Variants in TMEM229B observed in about 807,000 individuals in gnomAD.
The protein encoded by TMEM229B is transmembrane protein 229B, also known as chromosome 14 open reading frame 83.
In TMEM229B, 6 loss-of-function variants were observed where a neutral mutation model predicts 13.7. The observed-to-expected ratio is 0.44, with a 90% CI of 0.24 to 0.86. TMEM229B has a LOEUF of 0.86. TMEM229B is among the 40% of genes least tolerant of loss of function. The pLI, the probability that TMEM229B is intolerant of heterozygous loss-of-function variation, is 0.23. For missense variants in TMEM229B, 170 were observed against 236.0 expected, an observed-to-expected ratio of 0.72 and a Z score of 1.83; for synonymous variants, 107 against 102.1, an observed-to-expected ratio of 1.05 and a Z score of -0.29.
At chr14:67,529,205 C>A (rs182710395) in intron 1 of TMEM229B, among the ~76,000 whole-genome samples, 1 of 152,150 alleles carries the variant, frequency 6.6e-6, no homozygotes, top group Non-Finnish European at 1.5e-5. Flanking sequence ...ACGAGGAACA[C>A]CTTCCCTCCC....
intron 1 of TMEM229B, among the ~76,000 whole-genome samples, chr14:67,531,718 C>T (rs140168167): frequency 0.012 from 1,779 of 149,598 alleles, 48 homozygotes; most frequent in African/African-American, 0.039. Context: ...AGTTTGAGAC[C>T]CCACCTCTAC....
chr14:67,517,957 G>A (rs1298328586), upstream of TMEM229B, among the ~76,000 whole-genome samples: 2 of 152,210 alleles, frequency 1.3e-5, no homozygotes, highest in African/African-American at 4.8e-5. Context: ...GTCTGCTGTA[G>A]AAATGGACTT....
intron 1 of TMEM229B, among the ~76,000 whole-genome samples, chr14:67,496,928 G>A (rs1209574466): frequency 6.6e-6 from 1 of 152,002 alleles, no homozygotes; most frequent in African/African-American, 2.4e-5. Context: ...GTCCTGAGTA[G>A]CTAGGATTAC....
chr14:67,506,856 C>T (rs890112783), intron 1 of TMEM229B, among the ~76,000 whole-genome samples: 1 of 152,278 alleles, frequency 6.6e-6, no homozygotes, highest in Admixed American at 6.5e-5. Context: ...TGGTGGCATG[C>T]ACCTGTAGTC....
intron 1 of TMEM229B, among the ~76,000 whole-genome samples, chr14:67,508,953 GAATT>G (rs2032935067): frequency 6.6e-6 from 1 of 151,944 alleles, no homozygotes; most frequent in African/African-American, 2.4e-5. Flanking sequence ...CTCCACAGCT[GAATT>G]ATAATGATGG....
At chr14:67,488,252 A>C (rs552086119) in intron 1 of TMEM229B, among the ~76,000 whole-genome samples, 66 of 152,342 alleles carry the variant, frequency 4.3e-4, no homozygotes, top group African/African-American at 1.5e-3. Context: ...AGGGTCTCTG[A>C]GTAGAGGCCG....
rs137957355 is a variant in TMEM229B at position 67,495,523 on chromosome 14, C to G, written c.-191-8351G>C. On this transcript the variant is annotated intron_variant, in intron 1 of 2. Transcript: ENST00000357461. The stretch of plus-strand genomic sequence containing the variant: ...TTCAGATGGAGTTTCACTCTTGTTG[C>G]CCAGGCTGGAGTGCAATGGCACAAT... Among the ~76,000 whole-genome samples, 1,473 of 151,710 alleles carry G rather than the reference C, an allele frequency of 9.7e-3. 22 individuals are homozygous for G. Among genetic ancestry groups the G allele is most frequent in the African/African-American group, 0.033 (1,351 of 41,338 alleles).
chr14:67,489,584 TC>T (rs1164079639), upstream of TMEM229B, among the ~76,000 whole-genome samples: 1 of 152,130 alleles, frequency 6.6e-6, no homozygotes, highest in Non-Finnish European at 1.5e-5. Flanking sequence ...CAGACCCTGC[TC>T]CCTCCTCACT....
intron 1 of TMEM229B, among the ~76,000 whole-genome samples, chr14:67,496,590 G>C (rs2032392593): frequency 6.6e-6 from 1 of 151,606 alleles, no homozygotes; most frequent in Non-Finnish European, 1.5e-5. Context: ...CGTGAGAGAG[G>C]TGTCCTCCCT....
intron 2 of TMEM229B, among the ~76,000 whole-genome samples, chr14:67,484,540 C>T (rs534679204): frequency 1.3e-5 from 2 of 152,278 alleles, no homozygotes; most frequent in South Asian, 4.1e-4. Flanking sequence ...TGTAATCACA[C>T]ATCTTAGAGA....
At chr14:67,520,751 C>T (rs557814116) in intron 1 of TMEM229B, among the ~76,000 whole-genome samples, 74 of 152,218 alleles carry the variant, frequency 4.9e-4, no homozygotes, top group African/African-American at 1.7e-3. Flanking sequence ...CAAGTTATGG[C>T]AATTAAGAAT....
chr14:67,488,581 T>G lies in TMEM229B; in HGVS notation c.-265A>C, dbSNP rs1450243815. The G allele has an allele frequency of 6.6e-6, 1 of 152,286 alleles. No homozygotes were observed. The highest frequency in any genetic ancestry group is 1.9e-4 in the East Asian group (1 of 5,182). The allele number at this position is 152,286 out of a possible 1,614,324, so 9.4% of individuals were successfully genotyped here. A position where few individuals can be genotyped will look rare whatever the true frequency, so the allele number is the denominator to read the frequency against. ...TACCTATCACCTTGAGGAAAAGGTT[T>G]TAACGGAGCATGTCCGAACCCTCTG... On this transcript the variant is annotated 5_prime_UTR_variant, in exon 1 of 3. The change abolishes the stop of an existing upstream ORF in the 5' untranslated region. Coordinates refer to ENST00000554480, the MANE Select transcript of TMEM229B (RefSeq NM_001348543.2).
chr14:67,526,407 G>T (rs922285409), intron 1 of TMEM229B, among the ~76,000 whole-genome samples: 1 of 152,254 alleles, frequency 6.6e-6, no homozygotes, highest in Admixed American at 6.5e-5. Flanking sequence ...GACGGTCTTT[G>T]CATGCTGCTT....
chr14:67,477,156 A>C (rs2031260135), intron 2 of TMEM229B, among the ~76,000 whole-genome samples: 1 of 129,824 alleles, frequency 7.7e-6, no homozygotes, highest in Non-Finnish European at 1.6e-5. Context: ...ACAAGAGCGA[A>C]ACTCCATCTC....
At chr14:67,491,908 G>A (rs971754683), upstream of TMEM229B, among the ~76,000 whole-genome samples, 3 of 152,208 alleles carry the variant, frequency 2.0e-5, no homozygotes, top group African/African-American at 7.2e-5. Context: ...GGCCTGCCTG[G>A]CATGGGGAAG....
At chr14:67,504,620 CT>C (rs1340299473) in intron 1 of TMEM229B, among the ~76,000 whole-genome samples, 1 of 152,170 alleles carries the variant, frequency 6.6e-6, no homozygotes, top group Non-Finnish European at 1.5e-5. Flanking sequence ...TGTGCGGTGG[CT>C]CACACCTGTA....
At position 67,473,275 on chromosome 14, in the gene TMEM229B, G is replaced by A; in HGVS notation, c.*145C>T. 8.7e-7 allele frequency: 1 copy of A among 1,153,098 alleles called. No individual in the cohort carries two copies. The highest frequency in any genetic ancestry group is 2.5e-5 in the Admixed American group (1 of 40,782). 71.4% of individuals were successfully genotyped at this position (1,153,098 alleles called of 1,614,324 possible). On this transcript the variant is annotated 3_prime_UTR_variant, in exon 3 of 3. Coordinates refer to ENST00000554480, the MANE Select transcript of TMEM229B (RefSeq NM_001348543.2). The surrounding 1 kb of genome is among the most constrained non-coding windows in gnomAD (Gnocchi z 6.5). Reference sequence around the variant, plus strand: ...CGGCCCCCCAACACCGGCCCCCGCGGACGTTAGGGGGCTCTGTGTGCCCTA... The same window carrying A: ...CGGCCCCCCAACACCGGCCCCCGCGAACGTTAGGGGGCTCTGTGTGCCCTA...
At chr14:67,481,494 C>CA (rs2031585125) in intron 2 of TMEM229B, among the ~76,000 whole-genome samples, 1 of 152,094 alleles carries the variant, frequency 6.6e-6, no homozygotes, top group Non-Finnish European at 1.5e-5. Context: ...AATGAAAGAC[C>CA]TGAGTCAGGG....
chr14:67,530,203 C>T (rs1168730594), intron 1 of TMEM229B, among the ~76,000 whole-genome samples: 1 of 152,292 alleles, frequency 6.6e-6, no homozygotes, highest in African/African-American at 2.4e-5. Context: ...CAAAAGCTTC[C>T]ATTTATAGAT....
Sources: gnomAD v4.1 joint callset for allele counts (sites outside exome capture counted in the v4.1 genomes callset) on GRCh38, gnomAD v4.1.1 for gene constraint, Gnocchi (gnomAD v3.1) non-coding constraint, MANE v1.5 for transcripts, NCBI Gene and HGNC (gene_info 2026-07-23, HGNC 2026-07-21) for gene names.